KANSL1: variants seen among roughly 807,000 people sequenced by gnomAD.
KANSL1 encodes the protein KAT8 regulatory NSL complex subunit 1.
In KANSL1, 22 loss-of-function variants were observed where a neutral mutation model predicts 103.6. That is an observed-to-expected ratio of 0.21 (90% CI 0.15 to 0.30). The LOEUF (loss-of-function observed/expected upper bound fraction) is 0.30, where lower values mean the gene tolerates loss of function less well. KANSL1 is among the 10% of genes least tolerant of loss of function. The probability of loss-of-function intolerance (pLI) is 1.00; values close to 1 mark genes in which losing one functional copy is unlikely to be tolerated. For missense variants in KANSL1, 1,337 were observed against 1,399.8 expected (o/e 0.96, Z 0.72); for synonymous variants, 600 against 527.6 (o/e 1.14, Z -1.88).
intron 3 of KANSL1, among the ~76,000 whole-genome samples, chr17:46,086,538 C>T (rs2079171607): frequency 6.6e-6 from 1 of 152,182 alleles, no homozygotes; most frequent in Non-Finnish European, 1.5e-5. Flanking sequence ...CTTCAAAGTG[C>T]TTATTACGTT....
chr17:46,116,948 T>C (rs1326434439), intron 2 of KANSL1, among the ~76,000 whole-genome samples: 1 of 152,260 alleles, frequency 6.6e-6, no homozygotes, highest in Non-Finnish European at 1.5e-5. Context: ...AATACTGAAG[T>C]AATGTTTGAA....
intron 1 of KANSL1, among the ~76,000 whole-genome samples, chr17:46,201,940 G>C (rs1341799053): frequency 6.6e-6 from 1 of 152,220 alleles, no homozygotes; most frequent in Non-Finnish European, 1.5e-5. Context: ...CTGGAAGGTG[G>C]AGGCTACAGT....
In KANSL1 at chr17:46,171,985, G is replaced by A. The variant is rs1350224468; in HGVS notation, c.159C>T (p.Ala53=). The A allele has an allele frequency of 6.2e-7, 1 of 1,614,270 alleles. No individual in the cohort carries two copies. Among genetic ancestry groups the A allele is most frequent in the South Asian group, 1.1e-5 (1 of 91,092 alleles). The change falls in exon 2 of 15, where the codon GCC becomes GCT. Residue 53 remains alanine (A), a synonymous_variant. Transcript: ENST00000432791. ...LIAANGTKRK[A]IAAEDPSLDF... is the part of the protein sequence containing the mutation. ...CTAGGCTGGGATCCTCTGCAGCAAT[G>A]GCTTTTCTTTTGGTTCCGTTGGCAG...
chr17:46,062,114 C>CAAAAAAAAAAAAAAAAAAAAAAAGA (rs1192815524), intron 6 of KANSL1, among the ~76,000 whole-genome samples: 1 of 37,126 alleles, frequency 2.7e-5, no homozygotes, highest in African/African-American at 6.8e-5. Flanking sequence ...AAAAAACAAA[C>CAAAAAAAAAAAAAAAAAAAAAAAGA]AAACAAAAAA....
chr17:46,064,173 T>C (rs926383984), intron 6 of KANSL1, among the ~76,000 whole-genome samples: 2 of 151,810 alleles, frequency 1.3e-5, no homozygotes, highest in South Asian at 2.1e-4. Context: ...GTCCGAGGAA[T>C]AGACAGGAAG....
At chr17:46,154,385 T>C (rs1390199213) in intron 2 of KANSL1, among the ~76,000 whole-genome samples, 1 of 152,220 alleles carries the variant, frequency 6.6e-6, no homozygotes, top group Non-Finnish European at 1.5e-5. Flanking sequence ...GCTCAAGTGA[T>C]CCTCCCATCT....
chr17:46,169,552 C>A (rs371753400), intron 2 of KANSL1: 3 of 152,230 alleles, frequency 2.0e-5, no homozygotes, highest in African/African-American at 7.2e-5. Context: ...GTCAAGGAAA[C>A]ACCAATTCTT....
chr17:46,128,286 G>GT (rs1270440111), intron 2 of KANSL1, among the ~76,000 whole-genome samples: 4 of 152,144 alleles, frequency 2.6e-5, no homozygotes, highest in Non-Finnish European at 5.9e-5. Context: ...ACAGAACCTT[G>GT]TGCCTTACCA....
At chr17:46,179,672 G>A (rs1000838234) in intron 1 of KANSL1, among the ~76,000 whole-genome samples, 1 of 152,208 alleles carries the variant, frequency 6.6e-6, no homozygotes, top group Non-Finnish European at 1.5e-5. Flanking sequence ...TTATGCAAAA[G>A]GCTAGGACAA....
At chr17:46,127,339 T>TG (rs774610431) in intron 2 of KANSL1, among the ~76,000 whole-genome samples, 8 of 152,244 alleles carry the variant, frequency 5.3e-5, no homozygotes, top group Non-Finnish European at 8.8e-5. Context: ...AAAAATGAGC[T>TG]GGAAAACCTA....
At chr17:46,148,264 G>A (rs528716077) in intron 2 of KANSL1, 1 of 152,236 alleles carries the variant, frequency 6.6e-6, no homozygotes, top group South Asian at 2.1e-4. Context: ...TTTTTAAGAG[G>A]GTCACTCTCA....
At chr17:46,119,776 C>T (rs2043201888) in intron 2 of KANSL1, among the ~76,000 whole-genome samples, 3 of 152,332 alleles carry the variant, frequency 2.0e-5, no homozygotes, top group South Asian at 4.1e-4. Flanking sequence ...TAATTAAGTC[C>T]TTCTACATTT....
At chr17:46,039,347 GAA>G in intron 8 of KANSL1, 132 bp from the exon 9 acceptor site, 3 of 803,358 alleles carry the variant, frequency 3.7e-6, no homozygotes, top group Non-Finnish European at 5.6e-6. Context: ...CTTCAGGACT[GAA>G]GTTTCTAGTA....
chr17:46,101,539 A>G (rs1266311348), intron 2 of KANSL1, among the ~76,000 whole-genome samples: 2 of 152,024 alleles, frequency 1.3e-5, no homozygotes, highest in African/African-American at 4.8e-5. Context: ...ATCACAAGAT[A>G]AGGAGTCTGA....
At chr17:46,034,505 A>C (rs959330602) in intron 10 of KANSL1, 1 of 471,892 alleles carries the variant, frequency 2.1e-6, no homozygotes, top group Non-Finnish European at 3.8e-6. Flanking sequence ...AGTCCCATTC[A>C]TAAGTCCCAC....
At chr17:46,155,155 A>ATTTTTTTT (rs33974360) in intron 2 of KANSL1, among the ~76,000 whole-genome samples, 5 of 103,836 alleles carry the variant, frequency 4.8e-5, no homozygotes, top group African/African-American at 8.8e-5. Flanking sequence ...TCAGCCAGGG[A>ATTTTTTTT]TTTTTTTTTT....
intron 6 of KANSL1, among the ~76,000 whole-genome samples, chr17:46,051,262 C>T (rs1413296221): frequency 6.6e-6 from 1 of 152,228 alleles, no homozygotes; most frequent in Non-Finnish European, 1.5e-5. Context: ...TTAAAAGTAA[C>T]TTATTAACTA....
In KANSL1 at chr17:46,038,535, T is replaced by C; in HGVS notation, c.2541+3A>G. ...GTCCGGCCAACCCCACACAGGTACT[T>C]ACCGATGTGCTGGCTGTAACCTGTG... On this transcript the variant is annotated splice_donor_region_variant and intron_variant, in intron 10 of 14. Coordinates refer to ENST00000432791, the MANE Select transcript of KANSL1 (RefSeq NM_015443.4). 6.2e-7 allele frequency: 1 copy of C among 1,613,914 alleles called. No individual in the cohort carries two copies. Among genetic ancestry groups the C allele is most frequent in the Non-Finnish European group, 8.5e-7 (1 of 1,179,896 alleles).
chr17:46,172,126 G>A lies in KANSL1; in HGVS notation c.18C>T (p.Pro6=), dbSNP rs774056059. The A allele has an allele frequency of 1.2e-5, 19 of 1,606,086 alleles. 1 individual carries two copies. Among genetic ancestry groups the A allele is most frequent in the South Asian group, 5.5e-5 (5 of 91,066 alleles). ...CTTCAGCTGCTGCGTCAGTGAGAGC[G>A]GGCGCCATCGCAGCCATTCAGCACA... MAAMA[P]ALTDAAAEAH... Residue 6 remains proline (P), a synonymous_variant, in exon 2 of 15, where the codon CCC becomes CCT. Coordinates refer to ENST00000432791, the MANE Select transcript of KANSL1 (RefSeq NM_015443.4).
Sources: allele counts gnomAD v4.1 joint callset (sites outside exome capture counted in the v4.1 genomes callset), GRCh38; gene constraint gnomAD v4.1.1; transcripts MANE v1.5; gene names NCBI Gene and HGNC (gene_info 2026-07-23, HGNC 2026-07-21).